Variants in SGCZ observed in about 807,000 individuals in gnomAD.
SGCZ encodes sarcoglycan zeta, also known as zeta-sarcoglycan.
A neutral mutation model predicts 41.3 loss-of-function variants in SGCZ; 40 were observed. The observed-to-expected ratio is 0.97, with a 90% CI of 0.75 to 1.26. SGCZ has a LOEUF of 1.26. Ranked by LOEUF, SGCZ falls within the 50% of genes most tolerant of loss-of-function variation. The pLI is 0.00. For missense variants in SGCZ, 552 were observed against 369.8 expected (o/e 1.49, Z -4.04); for synonymous variants, 206 against 137.5 (o/e 1.50, Z -3.49).
intron 1 of SGCZ, among the ~76,000 whole-genome samples, chr8:15,062,533 C>G (rs749942827): frequency 3.1e-4 from 47 of 152,142 alleles, no homozygotes; most frequent in Non-Finnish European, 6.0e-4. Flanking sequence ...TTGAACATAT[C>G]TGTATCCATT....
chr8:14,203,439 C>T (rs1282447758), intron 4 of SGCZ, among the ~76,000 whole-genome samples: 3 of 152,030 alleles, frequency 2.0e-5, no homozygotes, highest in Admixed American at 2.0e-4. Flanking sequence ...CAATTCTTTT[C>T]CTTTTGATTT....
At chr8:14,599,377 T>C (rs1384018434) in intron 1 of SGCZ, among the ~76,000 whole-genome samples, 2 of 152,186 alleles carry the variant, frequency 1.3e-5, no homozygotes, top group Admixed American at 1.3e-4. Flanking sequence ...TACACTGAAA[T>C]CAAATTCTCT....
intron 1 of SGCZ, among the ~76,000 whole-genome samples, chr8:14,973,489 G>C (rs1801366118): frequency 6.6e-6 from 1 of 152,076 alleles, no homozygotes; most frequent in African/African-American, 2.4e-5. Context: ...CTTGAATAAA[G>C]CCTCCCTTGT....
intron 1 of SGCZ, among the ~76,000 whole-genome samples, chr8:14,936,249 G>T (rs189783923): frequency 3.9e-4 from 60 of 151,910 alleles, no homozygotes; most frequent in African/African-American, 1.3e-3. Flanking sequence ...TTACAATGGG[G>T]TTACATTCTG....
intron 1 of SGCZ, among the ~76,000 whole-genome samples, chr8:14,797,765 G>A (rs1424535526): frequency 2.6e-5 from 4 of 152,242 alleles, no homozygotes; most frequent in Non-Finnish European, 4.4e-5. Flanking sequence ...GGTGGGTCCA[G>A]GGCCCCCTTG....
At chr8:15,187,142 C>A (rs974349551) in intron 1 of SGCZ, among the ~76,000 whole-genome samples, 2 of 151,998 alleles carry the variant, frequency 1.3e-5, no homozygotes, top group Admixed American at 6.6e-5. Context: ...TGAATTAAGC[C>A]CAAGTATTCT....
chr8:15,237,452 G>T (rs1457500443), intron 1 of SGCZ, 133 bp downstream of exon 1: 3 of 1,075,516 alleles, frequency 2.8e-6, no homozygotes, highest in African/African-American at 1.6e-5. Flanking sequence ...CCGGGTGCGC[G>T]TCCCCCCAAC....
intron 1 of SGCZ, among the ~76,000 whole-genome samples, chr8:14,741,832 G>T (rs1307818958): frequency 6.6e-6 from 1 of 151,974 alleles, no homozygotes; most frequent in Non-Finnish European, 1.5e-5. Flanking sequence ...AAGCTTAAAT[G>T]ATTTAAGAAG....
chr8:14,876,062 A>G (rs1288636999), intron 1 of SGCZ, among the ~76,000 whole-genome samples: 1 of 152,120 alleles, frequency 6.6e-6, no homozygotes, highest in Non-Finnish European at 1.5e-5. Flanking sequence ...AACTATTCCC[A>G]TCCCCCTGTC....
At chr8:15,079,163 T>C (rs1455497136) in intron 1 of SGCZ, among the ~76,000 whole-genome samples, 3 of 152,188 alleles carry the variant, frequency 2.0e-5, no homozygotes, top group Non-Finnish European at 4.4e-5. Flanking sequence ...ACTATGATTC[T>C]CACACCTGTT....
At chr8:14,855,865 G>A (rs896807600) in intron 1 of SGCZ, among the ~76,000 whole-genome samples, 6 of 152,092 alleles carry the variant, frequency 3.9e-5, no homozygotes, top group African/African-American at 1.2e-4. Context: ...CACTTCTGAT[G>A]ACTCACAATG....
intron 5 of SGCZ, among the ~76,000 whole-genome samples, chr8:14,143,145 A>G (rs1009343518): frequency 3.3e-5 from 5 of 152,176 alleles, no homozygotes; most frequent in Admixed American, 6.5e-5. Flanking sequence ...TCAGGAAACT[A>G]GAAATAAAGG....
intron 3 of SGCZ, among the ~76,000 whole-genome samples, chr8:14,282,397 T>C (rs1282033873): frequency 6.6e-6 from 1 of 152,114 alleles, no homozygotes; most frequent in Non-Finnish European, 1.5e-5. Flanking sequence ...ATCATCTTCC[T>C]AACCTCATTT....
intron 4 of SGCZ, among the ~76,000 whole-genome samples, chr8:14,188,341 G>C (rs186891049): frequency 6.6e-6 from 1 of 152,094 alleles, no homozygotes; most frequent in African/African-American, 2.4e-5. Context: ...AAATGGATCC[G>C]TACAGTAAAG....
At chr8:14,339,212 T>G (rs144215273) in intron 2 of SGCZ, among the ~76,000 whole-genome samples, 32 of 152,290 alleles carry the variant, frequency 2.1e-4, no homozygotes, top group African/African-American at 6.7e-4. Flanking sequence ...CCTTAAAGTA[T>G]TTGTAAACAA....
At chr8:14,993,078 A>C (rs1802078541) in intron 1 of SGCZ, among the ~76,000 whole-genome samples, 1 of 152,084 alleles carries the variant, frequency 6.6e-6, no homozygotes, top group Admixed American at 6.6e-5. Flanking sequence ...CTTTATATTT[A>C]CCTCTCATAC....
chr8:14,415,212 A>T (rs922613144), intron 2 of SGCZ, among the ~76,000 whole-genome samples: 1 of 151,922 alleles, frequency 6.6e-6, no homozygotes, highest in Non-Finnish European at 1.5e-5. Flanking sequence ...TTCATGATTC[A>T]TTTAAATATA....
At chr8:14,475,773 C>T (rs1005085089) in intron 2 of SGCZ, among the ~76,000 whole-genome samples, 33 of 152,092 alleles carry the variant, frequency 2.2e-4, no homozygotes, top group African/African-American at 7.5e-4. Flanking sequence ...TATACACACA[C>T]ACAACAAGCA....
chr8:14,782,918 CT>C (rs199676485), intron 1 of SGCZ, among the ~76,000 whole-genome samples: 5 of 151,942 alleles, frequency 3.3e-5, no homozygotes, highest in East Asian at 1.9e-4. Context: ...TGTGCTGAAT[CT>C]TTTTTTTATT....
Sources: gnomAD v4.1 joint callset for allele counts (sites outside exome capture counted in the v4.1 genomes callset) on GRCh38, gnomAD v4.1.1 for gene constraint, MANE v1.5 for transcripts, NCBI Gene and HGNC (gene_info 2026-07-23, HGNC 2026-07-21) for gene names.